The following CELF5 variants were observed in gnomAD, a reference collection of about 807,000 sequenced individuals.
CELF5 encodes the protein CUG-BP and ETR-3 like factor 5.
Under a neutral mutation model 54.9 loss-of-function variants are expected in CELF5, and 6 were observed. That is an observed-to-expected ratio of 0.11 (90% CI 0.06 to 0.22). CELF5 has a LOEUF of 0.22. Among genes scored for constraint, CELF5 ranks in the 10% least tolerant of loss-of-function variants. CELF5 has a pLI of 1.00. For synonymous variants in CELF5, 271 were observed against 290.9 expected (o/e 0.93, Z 0.70); for missense variants, 401 against 678.6 (o/e 0.59, Z 4.54).
intron 2 of CELF5, among the ~76,000 whole-genome samples, chr19:3,262,838 C>T (rs533649051): frequency 6.6e-6 from 1 of 152,084 alleles, no homozygotes; most frequent in African/African-American, 2.4e-5. Context: ...ACTTGGGAGG[C>T]TGAGACAGGA....
intron 1 of CELF5, among the ~76,000 whole-genome samples, chr19:3,237,981 G>A (rs1568331539): frequency 6.6e-6 from 1 of 151,960 alleles, no homozygotes; most frequent in Non-Finnish European, 1.5e-5. Context: ...CCCAGGAGGC[G>A]GAGCTTGCAG....
chr19:3,253,590 C>T (rs2079679938), intron 2 of CELF5, among the ~76,000 whole-genome samples: 1 of 152,140 alleles, frequency 6.6e-6, no homozygotes, highest in Non-Finnish European at 1.5e-5. Context: ...CCATCATTTC[C>T]ACCACATTCT....
chr19:3,232,231 T>A (rs1917303448), intron 1 of CELF5, among the ~76,000 whole-genome samples: 1 of 152,170 alleles, frequency 6.6e-6, no homozygotes, highest in African/African-American at 2.4e-5. Context: ...GGTAGCTAGT[T>A]CACAGAGCAG....
intron 8 of CELF5, among the ~76,000 whole-genome samples, chr19:3,283,187 T>G (rs2080180245): frequency 6.6e-6 from 1 of 152,204 alleles, no homozygotes; most frequent in African/African-American, 2.4e-5. Flanking sequence ...ACCCACTGAT[T>G]TAGGCTGCAC....
intron 1 of CELF5, among the ~76,000 whole-genome samples, chr19:3,231,554 T>C (rs950510046): frequency 6.8e-6 from 1 of 147,114 alleles, no homozygotes; most frequent in Non-Finnish European, 1.5e-5. Flanking sequence ...GATTTGTAGA[T>C]GGGTGGGTGG....
At chr19:3,243,315 G>T (rs2079518159) in intron 1 of CELF5, among the ~76,000 whole-genome samples, 1 of 151,930 alleles carries the variant, frequency 6.6e-6, no homozygotes, top group Non-Finnish European at 1.5e-5. Context: ...CAAAACCTTG[G>T]CTGGAGCCAG....
In CELF5 at chr19:3,278,152, A is replaced by G. The variant is rs774796682; in HGVS notation, c.603+42A>G. The G allele has an allele frequency of 1.4e-5, 18 of 1,249,496 alleles. No individual in the cohort carries two copies. The highest frequency in any genetic ancestry group is 5.3e-5 in the Admixed American group (3 of 56,906). 77.4% of individuals were successfully genotyped at this position (1,249,496 alleles called of 1,614,324 possible). A position where few individuals can be genotyped will look rare whatever the true frequency, so the allele number is the denominator to read the frequency against. ...CTTGGCCGTGGGGGTGGGGGTGGGAAAGGGGTGAGGGGGACAGGGATGAAA... is the reference window on the plus strand; with the variant it reads ...CTTGGCCGTGGGGGTGGGGGTGGGAGAGGGGTGAGGGGGACAGGGATGAAA... On this transcript the variant is annotated intron_variant, in intron 5 of 12. Transcript: ENST00000292672. This position sits in a 1 kb window ranked among gnomAD's most constrained non-coding sequence, Gnocchi z 4.5.
intron 10 of CELF5, among the ~76,000 whole-genome samples, chr19:3,289,376 C>T (rs11666588): frequency 0.54 from 82,574 of 151,530 alleles, 23,747 homozygotes; most frequent in Middle Eastern, 0.69. Flanking sequence ...GGCAACATAG[C>T]GAAACCTCTA....
chr19:3,226,608 G>GGTGGGT (rs1916933087), intron 1 of CELF5, among the ~76,000 whole-genome samples: 1 of 152,036 alleles, frequency 6.6e-6, no homozygotes, highest in Non-Finnish European at 1.5e-5. Flanking sequence ...CCCACCCCTG[G>GGTGGGT]GTACACCCAA....
At chr19:3,233,828 T>C (rs995154505) in intron 1 of CELF5, among the ~76,000 whole-genome samples, 1 of 152,158 alleles carries the variant, frequency 6.6e-6, no homozygotes, top group Non-Finnish European at 1.5e-5. Flanking sequence ...CAGGGGAATA[T>C]GGACAATGTG....
intron 1 of CELF5, among the ~76,000 whole-genome samples, chr19:3,232,475 T>G (rs1280231049): frequency 2.0e-5 from 3 of 151,842 alleles, no homozygotes; most frequent in Non-Finnish European, 4.4e-5. Context: ...TCACAGGAGT[T>G]AGAGATTACA....
At chr19:3,269,905 C>T (rs926723259) in intron 2 of CELF5, among the ~76,000 whole-genome samples, 1 of 152,162 alleles carries the variant, frequency 6.6e-6, no homozygotes, top group Non-Finnish European at 1.5e-5. Flanking sequence ...TCCCTTCTTT[C>T]TGGTCTTGGT....
chr19:3,289,141 G>GA (rs1481269766), intron 10 of CELF5, among the ~76,000 whole-genome samples: 1 of 152,190 alleles, frequency 6.6e-6, no homozygotes, highest in African/African-American at 2.4e-5. Context: ...TGGGACTGGG[G>GA]ACCAGAGAAT....
At chr19:3,285,855 G>GC in intron 9 of CELF5, 87 bp from the exon 10 acceptor site, 3 of 836,400 alleles carry the variant, frequency 3.6e-6, no homozygotes, top group South Asian at 4.0e-5. Flanking sequence ...CCCTCTTATG[G>GC]CCCCGCCCCC....
intron 2 of CELF5, among the ~76,000 whole-genome samples, chr19:3,260,387 C>G (rs1170809205): frequency 6.6e-6 from 1 of 152,202 alleles, no homozygotes; most frequent in South Asian, 2.1e-4. Context: ...CCCCCTGCCT[C>G]AGCCTCCCAA....
intron 1 of CELF5, among the ~76,000 whole-genome samples, chr19:3,234,947 G>A (rs1917454790): frequency 6.6e-6 from 1 of 151,978 alleles, no homozygotes. Context: ...GTGAGCACCT[G>A]AGTCAGGACC....
Position 3,281,390 on chromosome 19 carries a change from TCA to T in CELF5, c.750+46_750+47del, listed in dbSNP as rs1354704607. ...CTTCGGGGCTCCGGCTCCGTCTCTCTCAGTCTCTGTCTACTCTCTGTCGGGCT... is the reference window on the plus strand; with the variant it reads ...CTTCGGGGCTCCGGCTCCGTCTCTCTGTCTCTGTCTACTCTCTGTCGGGCT... On this transcript the variant is annotated intron_variant, in intron 6 of 12. Coordinates refer to ENST00000292672, the MANE Select transcript of CELF5 (RefSeq NM_021938.4). This position sits in a 1 kb window ranked among gnomAD's most constrained non-coding sequence, Gnocchi z 6.5. 1.9e-6 allele frequency: 3 copies of T among 1,568,434 alleles called. No individual in the cohort carries two copies. The highest frequency in any genetic ancestry group is 2.3e-5 in the South Asian group (2 of 88,858).
intron 2 of CELF5, 60 bp downstream of exon 2, chr19:3,251,127 G>A (rs2079641635): frequency 2.3e-6 from 3 of 1,281,286 alleles, no homozygotes; most frequent in Non-Finnish European, 3.4e-6. Flanking sequence ...GCCTGGGGTG[G>A]GAGCCAAGGC....
intron 1 of CELF5, among the ~76,000 whole-genome samples, chr19:3,248,384 C>A (rs1351557128): frequency 6.6e-6 from 1 of 152,046 alleles, no homozygotes. Context: ...CTCCCCATCC[C>A]CCTCCCCAGC....
Sources: allele counts gnomAD v4.1 joint callset (sites outside exome capture counted in the v4.1 genomes callset), GRCh38; gene constraint gnomAD v4.1.1; non-coding constraint Gnocchi (gnomAD v3.1); transcripts MANE v1.5; gene names NCBI Gene and HGNC (gene_info 2026-07-23, HGNC 2026-07-21).